The following DLGAP2 variants were observed in gnomAD, a reference collection of about 807,000 sequenced individuals.
DLGAP2 encodes the protein DLG associated protein 2, also known as disks large-associated protein 2.
In DLGAP2, 26 loss-of-function variants were observed where a neutral mutation model predicts 100.3. That is an observed-to-expected ratio of 0.26 (90% CI 0.19 to 0.36). The LOEUF is 0.36. Among genes scored for constraint, DLGAP2 ranks in the 10% least tolerant of loss-of-function variants. DLGAP2 has a pLI of 1.00. For missense variants in DLGAP2, 1,858 were observed against 1,453.2 expected, an observed-to-expected ratio of 1.28 and a Z score of -4.53; for synonymous variants, 886 against 630.1, an observed-to-expected ratio of 1.41 and a Z score of -6.08.
chr8:1,618,872 G>C (rs1217304324), intron 6 of DLGAP2, among the ~76,000 whole-genome samples: 1 of 152,118 alleles, frequency 6.6e-6, no homozygotes, highest in East Asian at 1.9e-4. Context: ...CTGTCCAGTA[G>C]ACACGAGTAG....
intron 3 of DLGAP2, among the ~76,000 whole-genome samples, chr8:1,439,801 C>G (rs1413254748): frequency 6.6e-6 from 1 of 152,158 alleles, no homozygotes; most frequent in Non-Finnish European, 1.5e-5. Context: ...CGTGTGCACA[C>G]AGGGCCTGGC....
intron 2 of DLGAP2, among the ~76,000 whole-genome samples, chr8:1,087,975 C>T (rs1193011595): frequency 6.6e-6 from 1 of 152,232 alleles, no homozygotes; most frequent in Non-Finnish European, 1.5e-5. Context: ...TATGTGGCCT[C>T]CTTATCCATC....
chr8:1,166,468 C>T (rs940912118), intron 2 of DLGAP2, among the ~76,000 whole-genome samples: 1 of 152,212 alleles, frequency 6.6e-6, no homozygotes, highest in African/African-American at 2.4e-5. Context: ...AGAGCCTTCA[C>T]ATTAGAATAT....
At chr8:1,546,083 A>T (rs1197391771) in intron 4 of DLGAP2, among the ~76,000 whole-genome samples, 2 of 152,234 alleles carry the variant, frequency 1.3e-5, no homozygotes, top group Admixed American at 6.5e-5. Context: ...GCTTTTAATT[A>T]TATTAAAATA....
chr8:1,381,176 AG>A (rs1796085401), intron 3 of DLGAP2: 1 of 152,158 alleles, frequency 6.6e-6, no homozygotes, highest in Non-Finnish European at 1.5e-5. Flanking sequence ...CAACCAGAAC[AG>A]GTGCTTCCCC....
At chr8:1,494,201 A>G (rs1799478507) in intron 3 of DLGAP2, among the ~76,000 whole-genome samples, 3 of 152,226 alleles carry the variant, frequency 2.0e-5, no homozygotes, top group Admixed American at 1.3e-4. Context: ...CAAGAAATCC[A>G]GTCTTTTCTT....
At chr8:1,473,142 G>T (rs1194754418) in intron 3 of DLGAP2, among the ~76,000 whole-genome samples, 1 of 152,196 alleles carries the variant, frequency 6.6e-6, no homozygotes, top group East Asian at 1.9e-4. Flanking sequence ...TGTTGGCCAG[G>T]CTGGTCTTAA....
At chr8:951,134 T>C (rs1275886319) in intron 2 of DLGAP2, among the ~76,000 whole-genome samples, 1 of 152,240 alleles carries the variant, frequency 6.6e-6, no homozygotes, top group African/African-American at 2.4e-5. Context: ...TATTCATTTT[T>C]CCAAAACATT....
intron 4 of DLGAP2, among the ~76,000 whole-genome samples, chr8:1,515,533 C>G (rs1328329154): frequency 3.3e-5 from 5 of 152,212 alleles, no homozygotes; most frequent in Non-Finnish European, 4.4e-5. Flanking sequence ...CATGCAGACA[C>G]ACATGCAGAT....
intron 2 of DLGAP2, among the ~76,000 whole-genome samples, chr8:1,007,543 G>A (rs1334550114): frequency 6.6e-6 from 1 of 151,486 alleles, no homozygotes; most frequent in Non-Finnish European, 1.5e-5. Flanking sequence ...GGATGTACAC[G>A]AAGCCATGTG....
chr8:1,206,196 C>T (rs930974295), intron 2 of DLGAP2, among the ~76,000 whole-genome samples: 8 of 152,296 alleles, frequency 5.3e-5, no homozygotes, highest in Admixed American at 3.3e-4. Flanking sequence ...AAGTGCCAGG[C>T]TGCTTGATGT....
At chr8:1,613,311 A>G (rs1584993305) in intron 6 of DLGAP2, among the ~76,000 whole-genome samples, 1 of 149,890 alleles carries the variant, frequency 6.7e-6, no homozygotes, top group East Asian at 2.0e-4. Context: ...CAAACACCGC[A>G]TATTCTCACT....
At chr8:1,469,122 C>A (rs1416441730) in intron 3 of DLGAP2, among the ~76,000 whole-genome samples, 1 of 152,244 alleles carries the variant, frequency 6.6e-6, no homozygotes, top group Non-Finnish European at 1.5e-5. Context: ...TGCTGGGCGC[C>A]CCGTGTCCAG....
intron 3 of DLGAP2, among the ~76,000 whole-genome samples, chr8:1,500,185 G>A (rs796205401): frequency 1.3e-5 from 2 of 152,310 alleles, no homozygotes; most frequent in African/African-American, 4.8e-5. Flanking sequence ...ATGTTTACAT[G>A]CACATGTAAC....
intron 3 of DLGAP2, among the ~76,000 whole-genome samples, chr8:1,362,615 C>G (rs1245204842): frequency 1.3e-5 from 2 of 152,150 alleles, no homozygotes; most frequent in Admixed American, 6.5e-5. Flanking sequence ...CCATCTCTCC[C>G]CTTAACACCA....
At chr8:1,600,018 G>C (rs1178460634) in intron 6 of DLGAP2, among the ~76,000 whole-genome samples, 1 of 152,030 alleles carries the variant, frequency 6.6e-6, no homozygotes, top group Non-Finnish European at 1.5e-5. Context: ...ACCGGTTTTT[G>C]CTTTCCATGT....
intron 2 of DLGAP2, among the ~76,000 whole-genome samples, chr8:1,253,231 G>C (rs1165732971): frequency 6.6e-6 from 1 of 152,358 alleles, no homozygotes. Context: ...AAGGCCCCGG[G>C]CTGTGTCCAC....
At position 885,205 on chromosome 8, in the gene DLGAP2, T is replaced by C. The variant is rs963066265; in HGVS notation, c.19-22707T>C. Among the ~76,000 whole-genome samples, 10 of 152,184 alleles carry C rather than the reference T, an allele frequency of 6.6e-5. 1 individual carries two copies. The highest frequency in any genetic ancestry group is 5.9e-4 in the Admixed American group (9 of 15,284). On this transcript the variant is annotated intron_variant, in intron 1 of 14. Transcript: ENST00000637795. Reference sequence around the variant, plus strand: ...TAGTTTGGGAATAGCATTGAATCCATAAATTGCTGGCAGTACGGCCATTTT... The same window carrying C: ...TAGTTTGGGAATAGCATTGAATCCACAAATTGCTGGCAGTACGGCCATTTT...
In DLGAP2 at chr8:1,609,520, G is replaced by A. The variant is rs1335069550; in HGVS notation, c.1443-17220G>A. ...TCACCAGCTAACAACATAATGACAG[G>A]ATCAAATTCACACATAATATTAACT... On this transcript the variant is annotated intron_variant, in intron 6 of 14. Coordinates refer to ENST00000637795, the MANE Select transcript of DLGAP2 (RefSeq NM_001346810.2). Among the ~76,000 whole-genome samples the A allele has an allele frequency of 3.7e-4, 50 of 135,990 alleles. 6 individuals carry two copies. Among genetic ancestry groups the A allele is most frequent in the African/African-American group, 1.2e-3 (47 of 39,058 alleles). The allele number at this position is 135,990 out of a possible 152,430, so 89.2% of individuals were successfully genotyped here.
Sources: allele counts gnomAD v4.1 joint callset (sites outside exome capture counted in the v4.1 genomes callset), GRCh38; gene constraint gnomAD v4.1.1; transcripts MANE v1.5; gene names NCBI Gene and HGNC (gene_info 2026-07-23, HGNC 2026-07-21).